The following ARHGAP39 variants were observed in gnomAD, a reference collection of about 807,000 sequenced individuals.
The protein encoded by ARHGAP39 is Rho GTPase activating protein 39, also known as rho GTPase-activating protein 39.
Under a neutral mutation model 106.9 loss-of-function variants are expected in ARHGAP39, and 44 were observed. The observed-to-expected ratio is 0.41, with a 90% CI of 0.32 to 0.53. The LOEUF (loss-of-function observed/expected upper bound fraction) is 0.53. Among genes scored for constraint, ARHGAP39 ranks in the 20% least tolerant of loss-of-function variants. The probability of loss-of-function intolerance (pLI) is 0.21; values close to 1 mark genes in which losing one functional copy is unlikely to be tolerated. For synonymous variants in ARHGAP39, 768 were observed against 693.2 expected (o/e 1.11, Z -1.69); for missense variants, 1,496 against 1,577.3 (o/e 0.95, Z 0.87).
At chr8:144,559,135 G>T (rs536009283) in intron 3 of ARHGAP39, among the ~76,000 whole-genome samples, 1 of 151,938 alleles carries the variant, frequency 6.6e-6, no homozygotes, top group East Asian at 1.9e-4. Context: ...GTGAACCCAG[G>T]GGGCAGAGCT....
chr8:144,547,581 CACA>C lies in ARHGAP39; in HGVS notation c.1502_1504del (p.Leu501del). 1 of 1,474,292 alleles carries C rather than the reference CACA, an allele frequency of 6.8e-7. No homozygotes were observed. The highest frequency in any genetic ancestry group is 9.0e-7 in the Non-Finnish European group (1 of 1,114,656). 91.3% of individuals were successfully genotyped at this position (1,474,292 alleles called of 1,614,324 possible). ...AGTGGGGGTGGCGCTGGTGGCTTGG[CACA>C]AAGAGGGCTTTCTGCTCTTCCGCTT... On this transcript the variant is annotated inframe_deletion, in exon 5 of 12. Coordinates refer to ENST00000377307, the MANE Select transcript of ARHGAP39 (RefSeq NM_025251.3). The surrounding 1 kb of genome is among the most constrained non-coding windows in gnomAD (Gnocchi z 5.2).
intron 1 of ARHGAP39, among the ~76,000 whole-genome samples, chr8:144,629,019 C>G (rs1820996000): frequency 6.6e-6 from 1 of 152,342 alleles, no homozygotes; most frequent in African/African-American, 2.4e-5. Context: ...ACGCGCTTCC[C>G]ATTAGTGCCT....
At chr8:144,614,643 G>A (rs1466823475) in intron 1 of ARHGAP39, among the ~76,000 whole-genome samples, 1 of 152,196 alleles carries the variant, frequency 6.6e-6, no homozygotes. Flanking sequence ...GTGAGCCACC[G>A]TGCCTGGCCC....
chr8:144,562,405 C>T (rs1423320730), intron 3 of ARHGAP39, among the ~76,000 whole-genome samples: 14 of 147,570 alleles, frequency 9.5e-5, no homozygotes, highest in East Asian at 4.1e-4. Context: ...GTTTCCATCG[C>T]GCTCCAGTGG....
chr8:144,691,865 G>C, the ARHGAP39 span, among the ~76,000 whole-genome samples: 1 of 151,912 alleles, frequency 6.6e-6, no homozygotes, highest in African/African-American at 2.4e-5. Flanking sequence ...CGGCGGGGTG[G>C]CGGGGAGGGG....
chr8:144,587,493 G>A (rs753545547), intron 2 of ARHGAP39, among the ~76,000 whole-genome samples: 8 of 152,186 alleles, frequency 5.3e-5, no homozygotes, highest in Non-Finnish European at 1.2e-4. Flanking sequence ...GTGTTATACA[G>A]GTTTAAGAAG....
intron 1 of ARHGAP39, among the ~76,000 whole-genome samples, chr8:144,640,320 G>A (rs1821280197): frequency 3.9e-5 from 6 of 152,122 alleles, no homozygotes. Context: ...CCACATGTTG[G>A]GGGAGCGACC....
At position 144,602,456 on chromosome 8, in the gene ARHGAP39, C is replaced by T. The variant is rs546628055; in HGVS notation, c.80+3079G>A. On this transcript the variant is annotated intron_variant, in intron 2 of 11. Coordinates refer to ENST00000377307, the MANE Select transcript of ARHGAP39 (RefSeq NM_025251.3). The stretch of plus-strand genomic sequence containing the variant: ...GTGCATGGAGTTGTGCGTGCGAGCT[C>T]GTGTACCTGTGCATGTGCGTGGTGT... Among the ~76,000 whole-genome samples the T allele has an allele frequency of 5.3e-5, 7 of 132,838 alleles. 1 individual carries two copies. Among genetic ancestry groups the T allele is most frequent in the Middle Eastern group, 5.7e-3 (1 of 176 alleles). 87.1% of individuals were successfully genotyped at this position (132,838 alleles called of 152,430 possible).
At chr8:144,626,700 A>C (rs928741863) in intron 1 of ARHGAP39, among the ~76,000 whole-genome samples, 1 of 152,202 alleles carries the variant, frequency 6.6e-6, no homozygotes, top group Non-Finnish European at 1.5e-5. Flanking sequence ...CCCCACGTAC[A>C]AGGTGGACCC....
At chr8:144,593,444 G>A (rs1046875341) in intron 2 of ARHGAP39, among the ~76,000 whole-genome samples, 1 of 152,108 alleles carries the variant, frequency 6.6e-6, no homozygotes, top group Non-Finnish European at 1.5e-5. Context: ...GTAGACGAAA[G>A]GTCTCAATGT....
At chr8:144,552,747 G>A (rs1467258489) in intron 4 of ARHGAP39, among the ~76,000 whole-genome samples, 1 of 151,960 alleles carries the variant, frequency 6.6e-6, no homozygotes, top group Non-Finnish European at 1.5e-5. Context: ...GTAGTAGCAC[G>A]CCTTCACTGT....
intron 5 of ARHGAP39, 82 bp from the exon 6 acceptor site, chr8:144,545,892 G>A (rs1817399549): frequency 3.8e-6 from 5 of 1,300,696 alleles, no homozygotes; most frequent in Non-Finnish European, 5.1e-6. Context: ...GTCCCCAGAA[G>A]TGTGAGCTGG....
intron 1 of ARHGAP39, among the ~76,000 whole-genome samples, chr8:144,672,085 C>G (rs1051305884): frequency 6.6e-6 from 1 of 152,240 alleles, no homozygotes; most frequent in Admixed American, 6.5e-5. Flanking sequence ...AGCACTACCC[C>G]CTCCCACATG....
At chr8:144,574,127 C>G (rs1818681450) in intron 3 of ARHGAP39, among the ~76,000 whole-genome samples, 1 of 135,104 alleles carries the variant, frequency 7.4e-6, no homozygotes, top group African/African-American at 2.9e-5. Context: ...GATTGCACCA[C>G]TGTACTGCAG....
At chr8:144,651,747 CA>C (rs1452771048) in intron 1 of ARHGAP39, among the ~76,000 whole-genome samples, 1 of 151,954 alleles carries the variant, frequency 6.6e-6, no homozygotes. Flanking sequence ...TATGGGACCA[CA>C]AAAGAGTCCA....
intron 4 of ARHGAP39, among the ~76,000 whole-genome samples, chr8:144,553,916 C>T (rs1163451384): frequency 6.6e-6 from 1 of 152,278 alleles, no homozygotes. Context: ...CAATGCCCCA[C>T]ACAGAGCTCG....
chr8:144,550,400 G>T (rs190381124), intron 4 of ARHGAP39, among the ~76,000 whole-genome samples: 102 of 152,336 alleles, frequency 6.7e-4, no homozygotes, highest in African/African-American at 2.3e-3. Flanking sequence ...AGGAGTTTGA[G>T]ACCAGCCTGG....
intron 1 of ARHGAP39, among the ~76,000 whole-genome samples, chr8:144,675,966 C>G (rs1563734097): frequency 1.3e-5 from 2 of 152,066 alleles, no homozygotes; most frequent in African/African-American, 4.8e-5. Flanking sequence ...TTCCTCCCGT[C>G]AGGAGTTGTT....
At chr8:144,661,109 T>C (rs945381425) in intron 1 of ARHGAP39, among the ~76,000 whole-genome samples, 1 of 152,114 alleles carries the variant, frequency 6.6e-6, no homozygotes, top group Non-Finnish European at 1.5e-5. Context: ...GACGGCCCTC[T>C]CAGCACCGCC....
Sources: gnomAD v4.1 joint callset for allele counts (sites outside exome capture counted in the v4.1 genomes callset) on GRCh38, gnomAD v4.1.1 for gene constraint, Gnocchi (gnomAD v3.1) non-coding constraint, MANE v1.5 for transcripts, NCBI Gene and HGNC (gene_info 2026-07-23, HGNC 2026-07-21) for gene names.